The following SBF2 variants were observed in gnomAD, a reference collection of about 807,000 sequenced individuals.
SBF2 encodes myotubularin-related protein 13.
A neutral mutation model predicts 225.2 loss-of-function variants in SBF2; 112 were observed. That is an observed-to-expected ratio of 0.50 (90% CI 0.43 to 0.58). SBF2 has a LOEUF of 0.58. SBF2 is among the 20% of genes least tolerant of loss of function. SBF2 has a pLI of 0.00. For synonymous variants in SBF2, 763 were observed against 773.3 expected, an observed-to-expected ratio of 0.99 and a Z score of 0.22; for missense variants, 1,996 against 2,206.2, an observed-to-expected ratio of 0.90 and a Z score of 1.91.
At chr11:10,090,596 C>A (rs1023664842) in intron 2 of SBF2, among the ~76,000 whole-genome samples, 9 of 152,046 alleles carry the variant, frequency 5.9e-5, no homozygotes, top group Admixed American at 3.9e-4. Context: ...GAAACCTCAT[C>A]TCTACCAAAA....
intron 2 of SBF2, among the ~76,000 whole-genome samples, chr11:10,084,563 A>G (rs982418874): frequency 1.3e-5 from 2 of 152,240 alleles, no homozygotes; most frequent in Admixed American, 1.3e-4. Context: ...CATTATATCC[A>G]GCAATCCCAC....
intron 1 of SBF2, among the ~76,000 whole-genome samples, chr11:10,231,221 T>C (rs577944245): frequency 1.3e-5 from 2 of 152,156 alleles, no homozygotes; most frequent in Admixed American, 1.3e-4. Context: ...CTAATGTTTT[T>C]CTCAAGGTTT....
intron 2 of SBF2, among the ~76,000 whole-genome samples, chr11:10,070,703 A>G (rs536742042): frequency 6.6e-6 from 1 of 152,118 alleles, no homozygotes; most frequent in Non-Finnish European, 1.5e-5. Context: ...GAAGAAAGTC[A>G]TTGGTAGCTT....
chr11:10,088,547 A>C (rs1167852565), intron 2 of SBF2, among the ~76,000 whole-genome samples: 1 of 152,154 alleles, frequency 6.6e-6, no homozygotes, highest in Non-Finnish European at 1.5e-5. Flanking sequence ...GGCTGCTTCT[A>C]CCCAAGGTAG....
At chr11:10,222,948 T>G (rs1193108319) in intron 1 of SBF2, among the ~76,000 whole-genome samples, 2 of 152,086 alleles carry the variant, frequency 1.3e-5, no homozygotes, top group Non-Finnish European at 2.9e-5. Flanking sequence ...TATATATATA[T>G]ATCATTTTTA....
intron 30 of SBF2, chr11:9,811,257 G>A (rs1013857679): frequency 6.6e-6 from 1 of 152,220 alleles, no homozygotes; most frequent in African/African-American, 2.4e-5. Flanking sequence ...TTACCTGGGT[G>A]ATGAAATAAT....
chr11:9,852,792 G>T, intron 20 of SBF2, 43 bp from the exon 21 acceptor site: 1 of 1,420,630 alleles, frequency 7.0e-7, no homozygotes, highest in Non-Finnish European at 1.0e-6. Context: ...ACACAGACAA[G>T]CAGGATAAAA....
At chr11:9,979,752 G>T (rs1565089015) in intron 13 of SBF2, among the ~76,000 whole-genome samples, 1 of 151,324 alleles carries the variant, frequency 6.6e-6, no homozygotes, top group Admixed American at 6.6e-5. Context: ...TAATCTACAA[G>T]TAACAGTCAA....
intron 2 of SBF2, among the ~76,000 whole-genome samples, chr11:10,163,268 C>T (rs1591103068): frequency 6.6e-6 from 1 of 152,122 alleles, no homozygotes; most frequent in African/African-American, 2.4e-5. Flanking sequence ...GACTCTCTCA[C>T]ATCCCTAAAA....
chr11:10,232,494 G>A (rs183638897), intron 1 of SBF2, among the ~76,000 whole-genome samples: 6 of 152,248 alleles, frequency 3.9e-5, no homozygotes, highest in Admixed American at 3.3e-4. Context: ...GAAATACATA[G>A]ACCAAAATGT....
chr11:10,188,017 A>C (rs1957005821), intron 2 of SBF2, among the ~76,000 whole-genome samples: 1 of 152,200 alleles, frequency 6.6e-6, no homozygotes, highest in South Asian at 2.1e-4. Flanking sequence ...CCTGTAGGAA[A>C]ATTATTATTA....
chr11:9,781,482 G>T, intron 39 of SBF2, 25 bp downstream of exon 39: 1 of 1,614,016 alleles, frequency 6.2e-7, no homozygotes, highest in Non-Finnish European at 8.5e-7. Flanking sequence ...ACAGAGCCAG[G>T]AAAAGAGAAG....
intron 2 of SBF2, among the ~76,000 whole-genome samples, chr11:10,166,437 T>C (rs946504418): frequency 1.3e-5 from 2 of 152,058 alleles, no homozygotes; most frequent in Non-Finnish European, 2.9e-5. Context: ...CAAATAACTG[T>C]CAAGCGGGGG....
intron 1 of SBF2, among the ~76,000 whole-genome samples, chr11:10,267,049 G>A (rs751523731): frequency 2.6e-5 from 4 of 152,152 alleles, no homozygotes; most frequent in Non-Finnish European, 5.9e-5. Flanking sequence ...GGCCGAGATC[G>A]TGCCACTGCA....
chr11:9,954,319 A>G (rs1249445322), intron 16 of SBF2, among the ~76,000 whole-genome samples: 1 of 152,220 alleles, frequency 6.6e-6, no homozygotes, highest in East Asian at 1.9e-4. Flanking sequence ...AAACATCAAC[A>G]CAGATGTTTG....
chr11:9,861,958 C>T (rs1857788084), intron 17 of SBF2, among the ~76,000 whole-genome samples: 2 of 152,152 alleles, frequency 1.3e-5, no homozygotes, highest in African/African-American at 4.8e-5. Context: ...GTGACAGTGG[C>T]CCAAAGGGTC....
chr11:10,234,479 A>G (rs1204445117), intron 1 of SBF2, among the ~76,000 whole-genome samples: 5 of 152,200 alleles, frequency 3.3e-5, no homozygotes, highest in African/African-American at 1.2e-4. Context: ...CTTGTATCAC[A>G]GTAAAATTTG....
At position 9,778,737 on chromosome 11, in the gene SBF2, T is replaced by C. The variant is rs142280964; in HGVS notation, c.*1681A>G. On this transcript the variant is annotated 3_prime_UTR_variant, in exon 40 of 40. Coordinates refer to ENST00000256190, the MANE Select transcript of SBF2 (RefSeq NM_030962.4). The stretch of plus-strand genomic sequence containing the variant: ...GAATCCTGAGTGTTACCCTCCTGAA[T>C]GCTGTGCACTACAGAATGAACTTTA... 2.6e-5 allele frequency: 4 copies of C among 152,788 alleles called. No homozygotes were observed. Among genetic ancestry groups the C allele is most frequent in the South Asian group, 2.1e-4 (1 of 4,834 alleles). The allele number at this position is 152,788 out of a possible 1,614,324, so 9.5% of individuals were successfully genotyped here.
Position 10,090,429 on chromosome 11 carries a change from T to C in SBF2, c.142-47448A>G, listed in dbSNP as rs569636667. 5.3e-4 allele frequency among the ~76,000 whole-genome samples: 81 copies of C among 152,284 alleles called. 1 individual carries two copies. The Middle Eastern group carries it at 0.01, about 19-fold the overall frequency. ...CTGACACAGGTACAGATGACCCATGTCCATCTTATAGATATAACTTTACCG... is the reference window on the plus strand; with the variant it reads ...CTGACACAGGTACAGATGACCCATGCCCATCTTATAGATATAACTTTACCG... On this transcript the variant is annotated intron_variant, in intron 2 of 39. Coordinates refer to ENST00000256190, the MANE Select transcript of SBF2 (RefSeq NM_030962.4).
Sources: gnomAD v4.1 joint callset for allele counts (sites outside exome capture counted in the v4.1 genomes callset) on GRCh38, gnomAD v4.1.1 for gene constraint, MANE v1.5 for transcripts, NCBI Gene and HGNC (gene_info 2026-07-23, HGNC 2026-07-21) for gene names.